The following USP38 variants were observed in gnomAD, a reference collection of about 807,000 sequenced individuals.
USP38 encodes ubiquitin carboxyl-terminal hydrolase 38.
USP38 carries 49 observed loss-of-function variants against 94.3 expected under a neutral mutation model. The observed-to-expected ratio is 0.52, with a 90% confidence interval of 0.41 to 0.66. The LOEUF is 0.66. Ranked by LOEUF, USP38 falls within the 30% of genes least tolerant of loss-of-function variation. The probability of loss-of-function intolerance (pLI) is 0.00; values close to 1 mark genes in which losing one functional copy is unlikely to be tolerated. For missense variants in USP38, 1,128 were observed against 1,229.4 expected (o/e 0.92, Z 1.23); for synonymous variants, 468 against 463.6 (o/e 1.01, Z -0.12).
At chr4:143,211,436 A>T (rs1374459120) in intron 7 of USP38, among the ~76,000 whole-genome samples, 1 of 152,182 alleles carries the variant, frequency 6.6e-6, no homozygotes, top group African/African-American at 2.4e-5. Context: ...TGAAGAAAAC[A>T]GGCTTACATT....
chr4:143,220,568 C>G lies in USP38; in HGVS notation c.*112C>G. The G allele has an allele frequency of 9.6e-7, 1 of 1,042,214 alleles. No individual in the cohort carries two copies. The highest frequency in any genetic ancestry group is 1.3e-6 in the Non-Finnish European group (1 of 785,956). The allele number at this position is 1,042,214 out of a possible 1,614,324, so 64.6% of individuals were successfully genotyped here. ...TATTTTTCATTAGACCCTTATACTTCAAGAGAACACACTCAGTGCTTGTTT... is the reference window on the plus strand; with the variant it reads ...TATTTTTCATTAGACCCTTATACTTGAAGAGAACACACTCAGTGCTTGTTT... On this transcript the variant is annotated 3_prime_UTR_variant, in exon 10 of 10. Transcript: ENST00000307017.
chr4:143,196,300 C>T (rs577975591), intron 3 of USP38, among the ~76,000 whole-genome samples: 6 of 151,884 alleles, frequency 4.0e-5, no homozygotes, highest in Non-Finnish European at 5.9e-5. Context: ...AGCAAGACTG[C>T]GTCTCAAAAA....
At chr4:143,207,449 A>T (rs1425095696) in intron 6 of USP38, among the ~76,000 whole-genome samples, 2 of 152,188 alleles carry the variant, frequency 1.3e-5, no homozygotes, top group African/African-American at 2.4e-5. Context: ...GAGGCAGGAG[A>T]ATCACTTGAA....
rs1473010396 is a variant in USP38 at position 143,185,598 on chromosome 4, C to T, written c.148C>T (p.Leu50=). 2.5e-6 allele frequency: 4 copies of T among 1,614,086 alleles called. No homozygotes were observed. Among genetic ancestry groups the T allele is most frequent in the African/African-American group, 2.7e-5 (2 of 74,942 alleles). ...GTTTGACCTGACGACCCGGCTCATC[C>T]TGGAGGGCCAGGACCCTTTCCAGCG... The part of the protein sequence containing the change: ...AMFDLTTRLI[L]EGQDPFQRQV... Residue 50 remains leucine, a synonymous_variant, in exon 1 of 10, where the codon CTG becomes TTG. Transcript: ENST00000307017.
chr4:143,212,674 A>T (rs1732061125), intron 8 of USP38, among the ~76,000 whole-genome samples: 1 of 151,984 alleles, frequency 6.6e-6, no homozygotes, highest in Admixed American at 6.6e-5. Context: ...CACTTTCAGG[A>T]GTCTGTGAGG....
Position 143,195,682 on chromosome 4 carries a change from C to T in USP38, c.819-34C>T, listed in dbSNP as rs201977423. On this transcript the variant is annotated intron_variant, in intron 2 of 9. Transcript: ENST00000307017. ...ATCACTAACTAAATGAAAATATTTT[C>T]AATAATGATTGTTTCATTTTCCTTC... is the stretch of plus-strand genomic sequence containing the variant. The T allele has an allele frequency of 3.9e-5, 60 of 1,558,126 alleles. No individual in the cohort carries two copies. The African/African-American group carries it at 7.5e-4, about 20-fold the overall frequency.
Position 143,185,183 on chromosome 4 carries a change from G to A in USP38, c.-268G>A. ...TGATGCTGAGTGGGATCGAGGGCCC[G>A]GGGCGGCGGCGGAGTACGGGCCTCT... On this transcript the variant is annotated 5_prime_UTR_variant, in exon 1 of 10. Transcript: ENST00000307017. The A allele has an allele frequency of 2.8e-6, 1 of 360,978 alleles. No individual in the cohort carries two copies. The highest frequency in any genetic ancestry group is 5.4e-5 in the South Asian group (1 of 18,672). The allele number at this position is 360,978 out of a possible 1,614,324, so 22.4% of individuals were successfully genotyped here.
chr4:143,202,226 C>T (rs1357464679), intron 4 of USP38, among the ~76,000 whole-genome samples: 2 of 152,074 alleles, frequency 1.3e-5, no homozygotes, highest in Non-Finnish European at 2.9e-5. Context: ...TTTATGGTCA[C>T]ATTAGTACCT....
Position 143,214,686 on chromosome 4 carries a change from T to C in USP38, c.2710T>C (p.Leu904=). Residue 904 remains leucine, a synonymous_variant, in exon 9 of 10, where the codon TTG becomes CTG. Coordinates refer to ENST00000307017, the MANE Select transcript of USP38 (RefSeq NM_032557.6). ...DSPSAVFEQD[L]ENKEMSKEWF... ...TCCCAGTGCAGTTTTTGAACAGGAT[T>C]TGGAAAATAAGGAAATGTCAAAAGA... is the stretch of plus-strand genomic sequence containing the variant. 6.2e-7 allele frequency: 1 copy of C among 1,613,714 alleles called. No homozygotes were observed. The highest frequency in any genetic ancestry group is 8.5e-7 in the Non-Finnish European group (1 of 1,179,798).
At position 143,204,008 on chromosome 4, in the gene USP38, G is replaced by A. The variant is rs190701418; in HGVS notation, c.1209+442G>A. ...TTTTTTTTTTTCTTCTTGAGACCAA[G>A]TCTCGCTCTGTCACCTAGGCTGGAG... On this transcript the variant is annotated intron_variant, in intron 5 of 9. Coordinates refer to ENST00000307017, the MANE Select transcript of USP38 (RefSeq NM_032557.6). 7.0e-3 allele frequency among the ~76,000 whole-genome samples: 1,042 copies of A among 148,960 alleles called. 9 individuals carry two copies. Among genetic ancestry groups the A allele is most frequent in the Non-Finnish European group, 0.011 (725 of 67,584 alleles).
intron 6 of USP38, among the ~76,000 whole-genome samples, chr4:143,207,765 C>G (rs1731912752): frequency 1.3e-5 from 2 of 151,492 alleles, no homozygotes; most frequent in Non-Finnish European, 1.5e-5. Flanking sequence ...GTCATCTAGT[C>G]CAGACATCTC....
At chr4:143,218,720 A>C (rs956833059) in intron 9 of USP38, among the ~76,000 whole-genome samples, 4 of 152,144 alleles carry the variant, frequency 2.6e-5, no homozygotes, top group Non-Finnish European at 5.9e-5. Flanking sequence ...CATATCTTTT[A>C]GTAGCAGAAG....
chr4:143,198,196 C>T (rs192042562), intron 4 of USP38, among the ~76,000 whole-genome samples: 1 of 152,228 alleles, frequency 6.6e-6, no homozygotes, highest in Admixed American at 6.5e-5. Context: ...ATGTCTGTTG[C>T]ACAAATGAAC....
intron 2 of USP38, among the ~76,000 whole-genome samples, chr4:143,188,671 G>T (rs1267728776): frequency 4.6e-5 from 7 of 151,974 alleles, no homozygotes; most frequent in Non-Finnish European, 1.0e-4. Flanking sequence ...CTTTTATTCA[G>T]TCATTCATTC....
At position 143,201,493 on chromosome 4, in the gene USP38, G is replaced by A. The variant is rs751327757; in HGVS notation, c.1051-1915G>A. Among the ~76,000 whole-genome samples, 21 of 152,122 alleles carry A rather than the reference G, an allele frequency of 1.4e-4. 1 individual carries two copies. Among genetic ancestry groups the A allele is most frequent in the East Asian group, 1.9e-4 (1 of 5,202 alleles). On this transcript the variant is annotated intron_variant, in intron 4 of 9. Transcript: ENST00000307017. ...CCTTAATCTAGTAGTGGGTAATGTGGTAGTTAAATCACCTATAACTCCAAA... is the reference window on the plus strand; with the variant it reads ...CCTTAATCTAGTAGTGGGTAATGTGATAGTTAAATCACCTATAACTCCAAA...
At position 143,214,421 on chromosome 4, in the gene USP38, T is replaced by TCTTA. The variant is rs1448318328; in HGVS notation, c.2446_2449dup (p.Ser817ThrfsTer2). 2 of 1,613,848 alleles carry TCTTA rather than the reference T, an allele frequency of 1.2e-6. No individual in the cohort carries two copies. The highest frequency in any genetic ancestry group is 3.3e-5 in the Admixed American group (2 of 59,950). ...GGTCTGTAGATGTTGACTTCACTGATCTTAGTGAGAACCTTGCTAAAAAAT... is the reference window on the plus strand; with the variant it reads ...GGTCTGTAGATGTTGACTTCACTGATCTTACTTAGTGAGAACCTTGCTAAAAAAT... On this transcript the variant is annotated frameshift_variant, in exon 9 of 10. Transcript: ENST00000307017. LOFTEE classifies it high-confidence loss of function.
chr4:143,204,473 T>A, intron 5 of USP38: 1 of 446,116 alleles, frequency 2.2e-6, no homozygotes, highest in Non-Finnish European at 4.5e-6. Context: ...CACTGCAGCC[T>A]CTACATCTTG....
Position 143,188,044 on chromosome 4 carries a change from T to TA in USP38, c.818+84dup, listed in dbSNP as rs1731279737. ...TGTATTTTGTGAGTAATGAAAAACT[T>TA]ACGAATGTTTAAAACTAAAATCATG... On this transcript the variant is annotated intron_variant, in intron 2 of 9. Transcript: ENST00000307017. 5 of 1,399,216 alleles carry TA rather than the reference T, an allele frequency of 3.6e-6. No individual in the cohort carries two copies. In the Admixed American group the frequency reaches 7.5e-5, roughly 21 times the overall value. 86.7% of individuals were successfully genotyped at this position (1,399,216 alleles called of 1,614,324 possible). A position where few individuals can be genotyped will look rare whatever the true frequency, so the allele number is the denominator to read the frequency against.
In USP38 at chr4:143,214,837, G is replaced by C. The variant is rs1398020653; in HGVS notation, c.2861G>C (p.Gly954Ala). 6.2e-7 allele frequency: 1 copy of C among 1,613,626 alleles called. No homozygotes were observed. Residue 954 changes from glycine to alanine, a missense_variant, in exon 9 of 10, where the codon GGT becomes GCT. By Grantham distance (60) the Gly-to-Ala change is moderately conservative (BLOSUM62 0). Transcript: ENST00000307017. ...TATAAAAAACAGCATAGTACTAATG[G>C]TTTAAGTGGTAATAACCCAACCAGT... Reference protein sequence around the residue: ...LLYKKQHSTNGLSGNNPTSGL... With the variant: ...LLYKKQHSTNALSGNNPTSGL...
Sources: gnomAD v4.1 joint callset for allele counts (sites outside exome capture counted in the v4.1 genomes callset) on GRCh38, gnomAD v4.1.1 for gene constraint, MANE v1.5 for transcripts, NCBI Gene and HGNC (gene_info 2026-07-23, HGNC 2026-07-21) for gene names.